Variants in ANKS1B observed in about 807,000 individuals in gnomAD.
ANKS1B encodes the protein ankyrin repeat and sterile alpha motif domain containing 1B.
Under a neutral mutation model 148.3 loss-of-function variants are expected in ANKS1B, and 36 were observed. That is an observed-to-expected ratio of 0.24 (90% CI 0.19 to 0.32). The LOEUF (loss-of-function observed/expected upper bound fraction) is 0.32, where lower values mean the gene tolerates loss of function less well. ANKS1B is among the 10% of genes least tolerant of loss of function. The probability of loss-of-function intolerance (pLI) is 1.00; values close to 1 mark genes in which losing one functional copy is unlikely to be tolerated. For missense variants in ANKS1B, 1,157 were observed against 1,542.6 expected, an observed-to-expected ratio of 0.75 and a Z score of 4.19; for synonymous variants, 542 against 560.8, an observed-to-expected ratio of 0.97 and a Z score of 0.47.
At chr12:98,797,226 C>T (rs1316262917) in intron 22 of ANKS1B, among the ~76,000 whole-genome samples, 1 of 152,116 alleles carries the variant, frequency 6.6e-6, no homozygotes, top group East Asian at 1.9e-4. Flanking sequence ...TGTATCTAGT[C>T]TAATGTTCTC....
chr12:98,744,333 G>A lies in ANKS1B; in HGVS notation c.*1406C>T, dbSNP rs2097836954. 2 of 912,698 alleles carry A rather than the reference G, an allele frequency of 2.2e-6. No homozygotes were observed. The highest frequency in any genetic ancestry group is 2.6e-6 in the Non-Finnish European group (2 of 763,382). The allele number at this position is 912,698 out of a possible 1,614,324, so 56.5% of individuals were successfully genotyped here. A position where few individuals can be genotyped will look rare whatever the true frequency, so the allele number is the denominator to read the frequency against. ...CTTCAAAACTCACCAACTGATGAAT[G>A]TAACTGATCATCTCAGTTAGGTTTA... On this transcript the variant is annotated 3_prime_UTR_variant, in exon 27 of 27. Coordinates refer to ENST00000683438, the MANE Select transcript of ANKS1B (RefSeq NM_001352186.2).
chr12:99,441,360 T>C (rs934677936), intron 11 of ANKS1B, among the ~76,000 whole-genome samples: 8 of 151,924 alleles, frequency 5.3e-5, no homozygotes, highest in South Asian at 2.1e-4. Flanking sequence ...CATCCTCTAG[T>C]CTTCAAATCC....
intron 13 of ANKS1B, among the ~76,000 whole-genome samples, chr12:99,245,179 T>C (rs1477854700): frequency 6.6e-6 from 1 of 152,142 alleles, no homozygotes; most frequent in African/African-American, 2.4e-5. Flanking sequence ...ACCAAATGGT[T>C]TGACCAACCA....
chr12:99,965,288 G>A (rs2095471450), intron 1 of ANKS1B, among the ~76,000 whole-genome samples: 1 of 152,020 alleles, frequency 6.6e-6, no homozygotes, highest in Non-Finnish European at 1.5e-5. Context: ...AGCCTAAAAG[G>A]GATCCTACTA....
At chr12:99,608,268 T>TCA (rs2097866176) in intron 9 of ANKS1B, among the ~76,000 whole-genome samples, 1 of 152,078 alleles carries the variant, frequency 6.6e-6, no homozygotes, top group Non-Finnish European at 1.5e-5. Context: ...CTAGTAGCTT[T>TCA]CAAGTGCGCA....
chr12:99,438,389 C>T (rs771212686), intron 11 of ANKS1B, among the ~76,000 whole-genome samples: 14 of 152,006 alleles, frequency 9.2e-5, no homozygotes, highest in Non-Finnish European at 1.8e-4. Context: ...CCTCAACTCT[C>T]TCCAGAACCC....
intron 12 of ANKS1B, among the ~76,000 whole-genome samples, chr12:99,261,775 T>G (rs1421852749): frequency 6.6e-6 from 1 of 152,068 alleles, no homozygotes; most frequent in Non-Finnish European, 1.5e-5. Flanking sequence ...GAAGTCAGAG[T>G]TATCTTAGTA....
intron 11 of ANKS1B, among the ~76,000 whole-genome samples, chr12:99,424,204 T>C (rs2095181553): frequency 1.3e-5 from 2 of 152,316 alleles, no homozygotes; most frequent in Non-Finnish European, 1.5e-5. Context: ...TATATAGTTA[T>C]TATGGATTAT....
intron 4 of ANKS1B, among the ~76,000 whole-genome samples, chr12:99,798,440 A>AC (rs2066526312): frequency 7.0e-6 from 1 of 143,282 alleles, no homozygotes; most frequent in African/African-American, 2.7e-5. Flanking sequence ...AAAAAAAAAA[A>AC]AAACAAAAGA....
intron 9 of ANKS1B, among the ~76,000 whole-genome samples, chr12:99,541,317 T>C (rs903886405): frequency 2.0e-5 from 3 of 152,070 alleles, no homozygotes; most frequent in African/African-American, 7.2e-5. Context: ...CAAAACCATA[T>C]AAACACATCA....
At chr12:99,838,139 G>A (rs377602198) in intron 1 of ANKS1B, among the ~76,000 whole-genome samples, 1 of 152,140 alleles carries the variant, frequency 6.6e-6, no homozygotes, top group African/African-American at 2.4e-5. Context: ...ATCCCATTGT[G>A]TATGTGCATA....
intron 17 of ANKS1B, among the ~76,000 whole-genome samples, chr12:99,034,312 C>A (rs1401265181): frequency 6.6e-6 from 1 of 151,928 alleles, no homozygotes; most frequent in African/African-American, 2.4e-5. Flanking sequence ...AACTGAGCAC[C>A]TTAATTATTT....
At chr12:99,198,335 A>G (rs985149662) in intron 14 of ANKS1B, among the ~76,000 whole-genome samples, 1 of 152,170 alleles carries the variant, frequency 6.6e-6, no homozygotes, top group Non-Finnish European at 1.5e-5. Context: ...AAATCATTGC[A>G]CTGGTTACTC....
chr12:98,945,180 T>C (rs2099843166), intron 17 of ANKS1B, among the ~76,000 whole-genome samples: 1 of 152,108 alleles, frequency 6.6e-6, no homozygotes, highest in African/African-American at 2.4e-5. Flanking sequence ...TCCAACCCTG[T>C]ATCATGCATT....
At chr12:99,891,576 C>T (rs2093113081) in intron 1 of ANKS1B, among the ~76,000 whole-genome samples, 1 of 152,018 alleles carries the variant, frequency 6.6e-6, no homozygotes, top group African/African-American at 2.4e-5. Flanking sequence ...AGCATATTTT[C>T]ATGTGTTTAT....
intron 17 of ANKS1B, among the ~76,000 whole-genome samples, chr12:99,033,925 A>G (rs1451590254): frequency 6.6e-6 from 1 of 152,218 alleles, no homozygotes; most frequent in Non-Finnish European, 1.5e-5. Context: ...CTTGAGCAGT[A>G]AAGTTGCCTG....
At position 99,214,121 on chromosome 12, in the gene ANKS1B, CA is replaced by C. The variant is rs35822288; in HGVS notation, c.2419+30220del. Among the ~76,000 whole-genome samples the C allele has an allele frequency of 3.6e-3, 515 of 144,668 alleles. 1 individual carries two copies. The highest frequency in any genetic ancestry group is 0.013 in the East Asian group (66 of 4,984). 94.9% of individuals were successfully genotyped at this position (144,668 alleles called of 152,430 possible). On this transcript the variant is annotated intron_variant, in intron 14 of 26. Coordinates refer to ENST00000683438, the MANE Select transcript of ANKS1B (RefSeq NM_001352186.2). Reference sequence around the variant, plus strand: ...GTGTGCCCAAGAATGGCATAAGATTCAAAAAAAAAAATCTGTCTAAATAATA... The same window carrying C: ...GTGTGCCCAAGAATGGCATAAGATTCAAAAAAAAAATCTGTCTAAATAATA...
At chr12:98,795,690 A>T (rs2098942096) in intron 22 of ANKS1B, 1 of 446,946 alleles carries the variant, frequency 2.2e-6, no homozygotes, top group Non-Finnish European at 4.5e-6. Context: ...AAAACAAAAC[A>T]AAACAAAAAA....
intron 14 of ANKS1B, among the ~76,000 whole-genome samples, chr12:99,207,248 C>T (rs530644358): frequency 9.9e-4 from 151 of 152,088 alleles, no homozygotes; most frequent in African/African-American, 3.3e-3. Flanking sequence ...AGAAGCAATT[C>T]GAGCATGAAT....
Sources: allele counts gnomAD v4.1 joint callset (sites outside exome capture counted in the v4.1 genomes callset), GRCh38; gene constraint gnomAD v4.1.1; transcripts MANE v1.5; gene names NCBI Gene and HGNC (gene_info 2026-07-23, HGNC 2026-07-21).